BIRC6: variants seen among roughly 807,000 people sequenced by gnomAD.
BIRC6 encodes the protein dual E2 ubiquitin-conjugating enzyme/E3 ubiquitin-protein ligase BIRC6.
In BIRC6, 98 loss-of-function variants were observed where a neutral mutation model predicts 503.3. The observed-to-expected ratio is 0.19, with a 90% confidence interval of 0.17 to 0.23. BIRC6 has a LOEUF of 0.23. Among genes scored for constraint, BIRC6 ranks in the 10% least tolerant of loss-of-function variants. The pLI, the probability that BIRC6 is intolerant of heterozygous loss-of-function variation, is 1.00. For synonymous variants in BIRC6, 2,240 were observed against 2,078.7 expected, an observed-to-expected ratio of 1.08 and a Z score of -2.11; for missense variants, 5,360 against 5,806.0, an observed-to-expected ratio of 0.92 and a Z score of 2.50.
At chr2:32,480,582 A>C (rs2050270548) in intron 37 of BIRC6, among the ~76,000 whole-genome samples, 1 of 149,138 alleles carries the variant, frequency 6.7e-6, no homozygotes, top group Non-Finnish European at 1.5e-5. Context: ...TCTGAGAGAC[A>C]ATAATTTCTA....
intron 9 of BIRC6, among the ~76,000 whole-genome samples, chr2:32,409,736 C>T (rs1314316523): frequency 6.6e-6 from 1 of 152,072 alleles, no homozygotes; most frequent in Non-Finnish European, 1.5e-5. Flanking sequence ...TTAACACTAC[C>T]CAAATAAGCA....
At chr2:32,460,586 A>G (rs1383572465) in intron 23 of BIRC6, among the ~76,000 whole-genome samples, 1 of 151,708 alleles carries the variant, frequency 6.6e-6, no homozygotes, top group Non-Finnish European at 1.5e-5. Flanking sequence ...CCAGCCCTAT[A>G]TTTTTTTATA....
rs766229186 is a variant in BIRC6 at position 32,543,387 on chromosome 2, A to G, written c.12438A>G (p.Ala4146=). 11 of 1,614,032 alleles carry G rather than the reference A, an allele frequency of 6.8e-6. No individual in the cohort carries two copies. Among genetic ancestry groups the G allele is most frequent in the Non-Finnish European group, 9.3e-6 (11 of 1,179,898 alleles). ...VAAEPPPIKS[A]VQTMSPIPAH... Reference sequence around the variant, plus strand: ...CTGAACCTCCACCTATCAAGTCAGCAGTACAGACCATGTCTCCCATACCTG... The same window carrying G: ...CTGAACCTCCACCTATCAAGTCAGCGGTACAGACCATGTCTCCCATACCTG... Residue 4146 remains alanine (A), a synonymous_variant, in exon 62 of 74, where the codon GCA becomes GCG. Transcript: ENST00000421745.
chr2:32,475,645 ATAT>A (rs2049669359), intron 33 of BIRC6, among the ~76,000 whole-genome samples: 1 of 152,206 alleles, frequency 6.6e-6, no homozygotes, highest in Admixed American at 6.5e-5. Context: ...ATACCTTGTG[ATAT>A]TATCCTATAG....
At chr2:32,521,502 C>T (rs1446225213) in intron 57 of BIRC6, among the ~76,000 whole-genome samples, 1 of 151,448 alleles carries the variant, frequency 6.6e-6, no homozygotes, top group African/African-American at 2.4e-5. Flanking sequence ...GACGGAGTCT[C>T]ACTCTGTCCC....
At position 32,463,374 on chromosome 2, in the gene BIRC6, A is replaced by C; in HGVS notation, c.4934A>C (p.Gln1645Pro). The change falls in exon 24 of 74, where the codon CAG (glutamine) becomes CCG (proline). Residue 1645 changes from glutamine (Q) to proline (P), a missense_variant. Physicochemically the swap from Gln to Pro is moderately conservative, Grantham distance 76. Around this residue, in one of 16 missense-constraint regions of BIRC6, gnomAD observed 2,299 missense variants for 2,267.2 expected, o/e 1.01. Transcript: ENST00000421745. ...QEKQQQLLKL[Q>P]QQKAKLEAKL... ...AAACAGCAGCAGCTTTTGAAGCTTC[A>C]GCAACAGGTTGGAGACTATTTGGCT... is the stretch of plus-strand genomic sequence containing the variant. 6.2e-7 allele frequency: 1 copy of C among 1,611,368 alleles called. No individual in the cohort carries two copies. The highest frequency in any genetic ancestry group is 1.3e-5 in the African/African-American group (1 of 74,876).
intron 60 of BIRC6, among the ~76,000 whole-genome samples, chr2:32,530,236 A>G (rs957916606): frequency 6.6e-6 from 1 of 151,832 alleles, no homozygotes; most frequent in Non-Finnish European, 1.5e-5. Flanking sequence ...TTTGAGACAG[A>G]GTCTTTTTCT....
chr2:32,371,094 T>C (rs1232901017), intron 1 of BIRC6, among the ~76,000 whole-genome samples: 2 of 151,564 alleles, frequency 1.3e-5, no homozygotes, highest in African/African-American at 4.8e-5. Context: ...ACACCTGTAG[T>C]CTCAGCTACT....
Position 32,509,784 on chromosome 2 carries a change from G to C in BIRC6, c.10027G>C (p.Asp3343His). The C allele has an allele frequency of 6.2e-7, 1 of 1,613,976 alleles. No homozygotes were observed. Among genetic ancestry groups the C allele is most frequent in the Non-Finnish European group, 8.5e-7 (1 of 1,179,876 alleles). The part of the protein sequence containing the change: ...LLHHCLTHIS[D>H]LEGMMASAAA... ...ACATCATTGCCTTACTCACATAAGTGATCTAGAAGGAATGATGGCAAGTGC... is the reference window on the plus strand; with the variant it reads ...ACATCATTGCCTTACTCACATAAGTCATCTAGAAGGAATGATGGCAAGTGC... Residue 3343 changes from aspartate (D) to histidine (H), a missense_variant, in exon 52 of 74, where the codon GAT becomes CAT. By Grantham distance (81) the Asp-to-His change is moderately conservative. Transcript: ENST00000421745.
intron 50 of BIRC6, among the ~76,000 whole-genome samples, chr2:32,506,698 A>C (rs2053837601): frequency 6.6e-6 from 1 of 152,244 alleles, no homozygotes; most frequent in African/African-American, 2.4e-5. Context: ...CTTGATTACA[A>C]AATTTGGTTT....
chr2:32,567,755 A>C (rs562857350), intron 65 of BIRC6, among the ~76,000 whole-genome samples: 1 of 152,194 alleles, frequency 6.6e-6, no homozygotes, highest in East Asian at 1.9e-4. Flanking sequence ...AAACATCATC[A>C]TATAGAAAAT....
intron 25 of BIRC6, 24 bp from the exon 26 acceptor site, chr2:32,465,041 A>ATTT: frequency 3.6e-6 from 4 of 1,102,794 alleles, no homozygotes; most frequent in Non-Finnish European, 3.8e-6. Context: ...ATAAAGTTAG[A>ATTT]TTTTTTTTTT....
At chr2:32,394,614 T>G (rs1182703662) in intron 5 of BIRC6, among the ~76,000 whole-genome samples, 2 of 152,068 alleles carry the variant, frequency 1.3e-5, no homozygotes, top group Non-Finnish European at 2.9e-5. Flanking sequence ...GGAGGATCGC[T>G]TAAGCCCAGG....
chr2:32,372,172 T>A (rs1307148440), intron 1 of BIRC6, among the ~76,000 whole-genome samples: 3 of 152,114 alleles, frequency 2.0e-5, no homozygotes, highest in African/African-American at 7.3e-5. Context: ...TAAAGTTGTC[T>A]ATTTTTTGTG....
chr2:32,365,243 A>T (rs1473965354), intron 1 of BIRC6, among the ~76,000 whole-genome samples: 1 of 152,158 alleles, frequency 6.6e-6, no homozygotes, highest in Admixed American at 6.5e-5. Context: ...ATTAGTACTT[A>T]ACTCACTGGG....
chr2:32,600,807 C>T (rs1294419983), intron 70 of BIRC6, among the ~76,000 whole-genome samples: 1 of 152,180 alleles, frequency 6.6e-6, no homozygotes, highest in Non-Finnish European at 1.5e-5. Flanking sequence ...AGTTTACACA[C>T]TGTTAGCATT....
chr2:32,455,732 A>G (rs1036166503), intron 23 of BIRC6, among the ~76,000 whole-genome samples: 1 of 152,242 alleles, frequency 6.6e-6, no homozygotes, highest in African/African-American at 2.4e-5. Flanking sequence ...TTAGGTTTGA[A>G]AAAGTTTTTC....
intron 22 of BIRC6, among the ~76,000 whole-genome samples, chr2:32,451,555 A>G (rs1394332477): frequency 6.6e-6 from 1 of 152,202 alleles, no homozygotes; most frequent in Non-Finnish European, 1.5e-5. Flanking sequence ...AATTTTATTA[A>G]AATTTTAACC....
chr2:32,369,945 AATATATAT>A (rs67839399), intron 1 of BIRC6, among the ~76,000 whole-genome samples: 545 of 44,050 alleles, frequency 0.012, 10 homozygotes, highest in African/African-American at 0.025. Context: ...AAAAAAAAAA[AATATATAT>A]ATATATATAT....
Sources: allele counts gnomAD v4.1 joint callset (sites outside exome capture counted in the v4.1 genomes callset), GRCh38; gene constraint gnomAD v4.1.1; regional missense constraint gnomAD v4.1.1; transcripts MANE v1.5; gene names NCBI Gene and HGNC (gene_info 2026-07-23, HGNC 2026-07-21).